The following ASTN1 variants were observed in gnomAD, a reference collection of about 807,000 sequenced individuals.
ASTN1 encodes the protein astrotactin-1.
Under a neutral mutation model 140.7 loss-of-function variants are expected in ASTN1, and 41 were observed. That is an observed-to-expected ratio of 0.29 (90% CI 0.23 to 0.38). The LOEUF is 0.38. Ranked by LOEUF, ASTN1 falls within the 10% of genes least tolerant of loss-of-function variation. The pLI, the probability that ASTN1 is intolerant of heterozygous loss-of-function variation, is 1.00. For synonymous variants in ASTN1, 640 were observed against 652.2 expected, an observed-to-expected ratio of 0.98 and a Z score of 0.29; for missense variants, 1,479 against 1,678.8, an observed-to-expected ratio of 0.88 and a Z score of 2.08.
chr1:177,112,311 C>T (rs1680859902), intron 1 of ASTN1, among the ~76,000 whole-genome samples: 1 of 152,192 alleles, frequency 6.6e-6, no homozygotes, highest in African/African-American at 2.4e-5. Context: ...TCCTTCACAT[C>T]AAAGGAAGAG....
chr1:177,119,402 A>G (rs556194416), intron 1 of ASTN1, among the ~76,000 whole-genome samples: 1 of 152,234 alleles, frequency 6.6e-6, no homozygotes, highest in Non-Finnish European at 1.5e-5. Flanking sequence ...TCCAGGAAAC[A>G]AAACTTCCCC....
chr1:177,043,096 T>A (rs1677055219), intron 2 of ASTN1, among the ~76,000 whole-genome samples: 1 of 152,230 alleles, frequency 6.6e-6, no homozygotes, highest in Admixed American at 6.5e-5. Context: ...TGTGGAGATA[T>A]CTGCAGCCTT....
At chr1:177,053,544 C>T (rs1165547398) in intron 2 of ASTN1, among the ~76,000 whole-genome samples, 1 of 152,110 alleles carries the variant, frequency 6.6e-6, no homozygotes, top group African/African-American at 2.4e-5. Flanking sequence ...TTATTCATTT[C>T]CTATCTACTT....
chr1:176,979,869 A>T (rs1673531379), intron 8 of ASTN1, among the ~76,000 whole-genome samples: 1 of 152,184 alleles, frequency 6.6e-6, no homozygotes, highest in Non-Finnish European at 1.5e-5. Flanking sequence ...AGGAAGAGGA[A>T]GAGAGGGAGA....
In ASTN1 at chr1:176,864,016, T is replaced by C. The variant is rs557200965; in HGVS notation, c.*268A>G. ...GGGAAAAAAAAATGAATGGAACAAA[T>C]TAATGGCAAAGCAAACCCCAAAGTA... On this transcript the variant is annotated 3_prime_UTR_variant, in exon 23 of 23. Transcript: ENST00000361833. The C allele has an allele frequency of 1.6e-6, 2 of 1,237,118 alleles. No homozygotes were observed. Among genetic ancestry groups the C allele is most frequent in the African/African-American group, 3.0e-5 (2 of 65,662 alleles). 76.6% of individuals were successfully genotyped at this position (1,237,118 alleles called of 1,614,324 possible). A position where few individuals can be genotyped will look rare whatever the true frequency, so the allele number is the denominator to read the frequency against.
intron 1 of ASTN1, among the ~76,000 whole-genome samples, chr1:177,063,482 C>T (rs565098668): frequency 3.9e-5 from 6 of 152,206 alleles, no homozygotes; most frequent in African/African-American, 1.4e-4. Flanking sequence ...ATTTATTAAG[C>T]GAGGCTGTGA....
chr1:177,030,659 A>G, intron 4 of ASTN1, 147 bp downstream of exon 4: 1 of 1,061,364 alleles, frequency 9.4e-7, no homozygotes. Flanking sequence ...TTTTTTGGTA[A>G]GTAGCATTTA....
intron 1 of ASTN1, among the ~76,000 whole-genome samples, chr1:177,122,251 C>A (rs978939105): frequency 6.6e-6 from 1 of 152,110 alleles, no homozygotes; most frequent in African/African-American, 2.4e-5. Context: ...AGACTCAGAG[C>A]AGGAAAAGAC....
chr1:176,915,832 T>C (rs926851179), intron 16 of ASTN1, among the ~76,000 whole-genome samples: 9 of 152,150 alleles, frequency 5.9e-5, no homozygotes, highest in Admixed American at 5.2e-4. Context: ...GTGCTTGCAG[T>C]CACTACCATC....
chr1:177,068,953 G>A (rs1678499136), intron 1 of ASTN1, among the ~76,000 whole-genome samples: 1 of 151,558 alleles, frequency 6.6e-6, no homozygotes, highest in African/African-American at 2.4e-5. Context: ...CAAGCAGCTG[G>A]GACTACAGGT....
intron 1 of ASTN1, among the ~76,000 whole-genome samples, chr1:177,080,273 A>C (rs1404451968): frequency 1.3e-5 from 2 of 151,460 alleles, no homozygotes; most frequent in East Asian, 1.9e-4. Flanking sequence ...AAAAAAAAAA[A>C]AAAAAAAACC....
At chr1:176,988,625 T>A (rs780643861) in intron 8 of ASTN1, among the ~76,000 whole-genome samples, 3 of 152,216 alleles carry the variant, frequency 2.0e-5, no homozygotes, top group Non-Finnish European at 4.4e-5. Context: ...AGGCAGCATT[T>A]ATTCCTTGAA....
At chr1:176,889,664 A>G (rs1381419830) in intron 17 of ASTN1, among the ~76,000 whole-genome samples, 1 of 152,234 alleles carries the variant, frequency 6.6e-6, no homozygotes, top group East Asian at 1.9e-4. Context: ...CCTCTAGGAA[A>G]CAGAAACCAA....
chr1:176,885,391 T>C (rs1203007528), intron 18 of ASTN1, among the ~76,000 whole-genome samples: 1 of 152,140 alleles, frequency 6.6e-6, no homozygotes, highest in Admixed American at 6.5e-5. Context: ...ATCCACGTGG[T>C]TTCAATTCAC....
At chr1:176,888,314 G>T in intron 17 of ASTN1, 110 bp from the exon 18 acceptor site, 1 of 1,313,682 alleles carries the variant, frequency 7.6e-7, no homozygotes. Context: ...ACTTCCAGCA[G>T]CAGGTTGTGT....
At chr1:176,937,954 C>T (rs1671519501) in intron 14 of ASTN1, among the ~76,000 whole-genome samples, 1 of 151,970 alleles carries the variant, frequency 6.6e-6, no homozygotes. Context: ...GAGTAATTGC[C>T]AAATTTTCAT....
At position 177,070,752 on chromosome 1, in the gene ASTN1, G is replaced by A. The variant is rs558150724; in HGVS notation, c.284-9487C>T. On this transcript the variant is annotated intron_variant, in intron 1 of 22. Transcript: ENST00000361833. ...TCACCCCGTGAGTAAATATTAGAAT[G>A]GTAGGGGTGGGAGTGGCAATTGAGT... Among the ~76,000 whole-genome samples, 29 of 152,266 alleles carry A rather than the reference G, an allele frequency of 1.9e-4. No homozygotes were observed. In the South Asian group the frequency reaches 2.5e-3, roughly 13 times the overall value.
intron 8 of ASTN1, among the ~76,000 whole-genome samples, chr1:176,987,870 C>T (rs1237520950): frequency 1.3e-5 from 2 of 152,172 alleles, no homozygotes; most frequent in African/African-American, 4.8e-5. Flanking sequence ...AGAGACACAT[C>T]TGAGGTGAAC....
At chr1:176,865,675 G>T (rs1668107716) in intron 22 of ASTN1, among the ~76,000 whole-genome samples, 1 of 152,106 alleles carries the variant, frequency 6.6e-6, no homozygotes, top group Non-Finnish European at 1.5e-5. Context: ...CTAACTCATG[G>T]GCAGAACCAC....
Sources: gnomAD v4.1 joint callset for allele counts (sites outside exome capture counted in the v4.1 genomes callset) on GRCh38, gnomAD v4.1.1 for gene constraint, MANE v1.5 for transcripts, NCBI Gene and HGNC (gene_info 2026-07-23, HGNC 2026-07-21) for gene names.